The following CPED1 variants were observed in gnomAD, a reference collection of about 807,000 sequenced individuals.
The protein encoded by CPED1 is cadherin-like and PC-esterase domain-containing protein 1.
Under a neutral mutation model 128.2 loss-of-function variants are expected in CPED1, and 114 were observed. The observed-to-expected ratio is 0.89, with a 90% CI of 0.76 to 1.04. The LOEUF is 1.04. Ranked by LOEUF, CPED1 falls within the 50% of genes least tolerant of loss-of-function variation. The pLI is 0.00. For missense variants in CPED1, 1,211 were observed against 1,207.1 expected (o/e 1.00, Z -0.05); for synonymous variants, 462 against 426.7 (o/e 1.08, Z -1.02).
rs115316580 is a variant in CPED1, at chr7:120,991,633, A to G, written c.249+1763A>G. Among the ~76,000 whole-genome samples the G allele has an allele frequency of 1.7e-3, 261 of 152,302 alleles. 2 individuals are homozygous for G. The highest frequency in any genetic ancestry group is 6.0e-3 in the African/African-American group (250 of 41,564). ...CCTACTTTGTTTGTAATTTAGGCAT[A>G]TGTTAGCTGTTATTTGTGGGCTGTC... On this transcript the variant is annotated intron_variant, in intron 2 of 22. Coordinates refer to ENST00000310396, the MANE Select transcript of CPED1 (RefSeq NM_024913.5).
At chr7:121,089,840 G>A (rs924451795) in intron 5 of CPED1, among the ~76,000 whole-genome samples, 6 of 152,078 alleles carry the variant, frequency 3.9e-5, no homozygotes, top group Non-Finnish European at 8.8e-5. Flanking sequence ...CTTTGGTCTT[G>A]TTGCAGTAGT....
In CPED1 at chr7:121,101,732, G is replaced by A. The variant is rs532574957; in HGVS notation, c.918+1638G>A. Among the ~76,000 whole-genome samples, 9 of 152,200 alleles carry A rather than the reference G, an allele frequency of 5.9e-5. No homozygotes were observed. In the South Asian group the frequency reaches 1.7e-3, roughly 28 times the overall value. On this transcript the variant is annotated intron_variant, in intron 7 of 22. Coordinates refer to ENST00000310396, the MANE Select transcript of CPED1 (RefSeq NM_024913.5). ...CAAGAAGCTTCCACTGATGGTGGAAGGCAAAGTGGGAGCAGGCATGTCACA... is the reference window on the plus strand; with the variant it reads ...CAAGAAGCTTCCACTGATGGTGGAAAGCAAAGTGGGAGCAGGCATGTCACA...
At chr7:120,994,543 G>A (rs1262429563) in intron 2 of CPED1, among the ~76,000 whole-genome samples, 1 of 151,990 alleles carries the variant, frequency 6.6e-6, no homozygotes, top group Non-Finnish European at 1.5e-5. Context: ...AGTATTACAT[G>A]CAGATTAGCC....
chr7:121,260,305 G>T (rs987194557), intron 18 of CPED1, among the ~76,000 whole-genome samples: 10 of 90,664 alleles, frequency 1.1e-4, no homozygotes, highest in Non-Finnish European at 2.1e-4. Flanking sequence ...ATTTGTTTTT[G>T]ACTGCAAACA....
intron 12 of CPED1, among the ~76,000 whole-genome samples, chr7:121,130,957 C>T (rs1210346993): frequency 6.6e-6 from 1 of 152,026 alleles, no homozygotes; most frequent in Non-Finnish European, 1.5e-5. Flanking sequence ...AAAGGGGCAA[C>T]ACCTAAGGTT....
Position 121,130,260 on chromosome 7 carries a change from A to T in CPED1, c.1543A>T (p.Met515Leu), listed in dbSNP as rs1795629167. The T allele has an allele frequency of 6.2e-7, 1 of 1,607,798 alleles. No homozygotes were observed. The highest frequency in any genetic ancestry group is 1.3e-5 in the African/African-American group (1 of 74,580). ...LLNVFEQFQF[M>L]NKKTQPHPLE... ...AAATGTATTTGAACAATTTCAGTTC[A>T]TGAATAAAAAGACACAGCCACATCC... The change falls in exon 12 of 23, where the codon ATG becomes TTG. Residue 515 changes from methionine (M) to leucine (L), a missense_variant. By Grantham distance (15) the Met-to-Leu change is conservative. Coordinates refer to ENST00000310396, the MANE Select transcript of CPED1 (RefSeq NM_024913.5).
chr7:121,036,330 A>G (rs1411184885), intron 3 of CPED1, among the ~76,000 whole-genome samples: 1 of 151,892 alleles, frequency 6.6e-6, no homozygotes, highest in Non-Finnish European at 1.5e-5. Context: ...ACGCCTTTGC[A>G]TCCTCATAGC....
chr7:121,099,479 T>C (rs1023178830), intron 6 of CPED1, among the ~76,000 whole-genome samples: 5 of 152,136 alleles, frequency 3.3e-5, no homozygotes, highest in Non-Finnish European at 5.9e-5. Context: ...GTGATTCTCC[T>C]GCCTCAGCCT....
intron 18 of CPED1, among the ~76,000 whole-genome samples, chr7:121,256,756 C>A (rs149101949): frequency 6.6e-6 from 1 of 151,894 alleles, no homozygotes; most frequent in Admixed American, 6.6e-5. Context: ...GCCAAAAAGA[C>A]GCATGCACTC....
chr7:121,273,115 T>C (rs376404402), intron 22 of CPED1, among the ~76,000 whole-genome samples: 3 of 152,284 alleles, frequency 2.0e-5, no homozygotes, highest in African/African-American at 7.2e-5. Flanking sequence ...ATTCACTCTT[T>C]CTGGCTTGCC....
intron 7 of CPED1, among the ~76,000 whole-genome samples, chr7:121,105,156 GCAAAGAGAGGA>G (rs1794944133): frequency 1.3e-5 from 2 of 152,054 alleles, no homozygotes; most frequent in Non-Finnish European, 2.9e-5. Context: ...GAGAACTGTG[GCAAAGAGAGGA>G]ATGGTGTTAT....
intron 18 of CPED1, among the ~76,000 whole-genome samples, chr7:121,257,183 C>T (rs1291395315): frequency 2.0e-5 from 3 of 151,946 alleles, no homozygotes; most frequent in Non-Finnish European, 2.9e-5. Flanking sequence ...ACTCATGCAG[C>T]AAACCTGCAC....
At chr7:121,175,005 G>A (rs1796743656) in intron 16 of CPED1, among the ~76,000 whole-genome samples, 1 of 152,076 alleles carries the variant, frequency 6.6e-6, no homozygotes, top group Non-Finnish European at 1.5e-5. Context: ...TTGTGCTCCT[G>A]ATTTGGCCCT....
intron 7 of CPED1, among the ~76,000 whole-genome samples, chr7:121,107,038 G>C (rs1038814162): frequency 6.6e-6 from 1 of 152,100 alleles, no homozygotes; most frequent in African/African-American, 2.4e-5. Context: ...TTCTTTAATA[G>C]ATGAGCCAGC....
intron 3 of CPED1, among the ~76,000 whole-genome samples, chr7:121,034,247 C>CTTTTT (rs3067998): frequency 9.7e-5 from 11 of 113,974 alleles, no homozygotes; most frequent in East Asian, 2.6e-4. Flanking sequence ...GTTTTTTTTT[C>CTTTTT]TTTTTTTTTT....
At chr7:121,203,512 C>G (rs1192520357) in intron 16 of CPED1, among the ~76,000 whole-genome samples, 3 of 152,132 alleles carry the variant, frequency 2.0e-5, no homozygotes, top group Non-Finnish European at 2.9e-5. Context: ...CAACAGACCA[C>G]TCTATACCAT....
chr7:121,009,478 G>A (rs1481320165), intron 2 of CPED1, among the ~76,000 whole-genome samples: 2 of 151,928 alleles, frequency 1.3e-5, no homozygotes, highest in Non-Finnish European at 2.9e-5. Context: ...GTGGTAGCAT[G>A]CGCCTGTAGT....
At chr7:121,042,650 G>A (rs968920031) in intron 3 of CPED1, among the ~76,000 whole-genome samples, 1 of 152,122 alleles carries the variant, frequency 6.6e-6, no homozygotes, top group African/African-American at 2.4e-5. Flanking sequence ...TAACTGGAAC[G>A]GCGAAGTTGG....
Position 120,989,847 on chromosome 7 carries a change from G to C in CPED1, c.226G>C (p.Gly76Arg). The change falls in exon 2 of 23, where the codon GGT becomes CGT. Residue 76 changes from glycine (G) to arginine (R), a missense_variant. By Grantham distance (125) the Gly-to-Arg change is moderately radical. Coordinates refer to ENST00000310396, the MANE Select transcript of CPED1 (RefSeq NM_024913.5). ...GGACAAACAGTGCTTCCTTCTCTCT[G>C]GTAATGCCCAGGAAACCAGAAAGGT... ...SQDKQCFLLS[G>R]NAQETRKVKE... 2 of 1,614,046 alleles carry C rather than the reference G, an allele frequency of 1.2e-6. No individual in the cohort carries two copies. The highest frequency in any genetic ancestry group is 1.7e-6 in the Non-Finnish European group (2 of 1,180,006).
Sources: allele counts gnomAD v4.1 joint callset (sites outside exome capture counted in the v4.1 genomes callset), GRCh38; gene constraint gnomAD v4.1.1; transcripts MANE v1.5; gene names NCBI Gene and HGNC (gene_info 2026-07-23, HGNC 2026-07-21).